The following CDH7 variants were observed in gnomAD, a reference collection of about 807,000 sequenced individuals.
CDH7 encodes cadherin 7.
Under a neutral mutation model 71.8 loss-of-function variants are expected in CDH7, and 25 were observed. The observed-to-expected ratio is 0.35, with a 90% CI of 0.25 to 0.49. CDH7 has a LOEUF of 0.49. Ranked by LOEUF, CDH7 falls within the 20% of genes least tolerant of loss-of-function variation. The pLI, the probability that CDH7 is intolerant of heterozygous loss-of-function variation, is 0.99. For missense variants in CDH7, 862 were observed against 974.6 expected (o/e 0.88, Z 1.54); for synonymous variants, 381 against 363.8 (o/e 1.05, Z -0.54).
intron 2 of CDH7, among the ~76,000 whole-genome samples, chr18:65,788,507 G>A (rs1910592146): frequency 6.6e-6 from 1 of 152,188 alleles, no homozygotes; most frequent in South Asian, 2.1e-4. Context: ...GTAGCTGCAA[G>A]TCATGCTGTG....
chr18:65,784,579 T>C (rs1008567347), intron 2 of CDH7, among the ~76,000 whole-genome samples: 1 of 152,152 alleles, frequency 6.6e-6, no homozygotes, highest in Non-Finnish European at 1.5e-5. Context: ...AAATATACCA[T>C]TAGGAGAAAA....
rs146603340 is a variant in CDH7 at position 65,817,595 on chromosome 18, T to G, written c.625+2991T>G. 4.4e-3 allele frequency among the ~76,000 whole-genome samples: 666 copies of G among 152,294 alleles called. 2 individuals carry two copies. Among genetic ancestry groups the G allele is most frequent in the African/African-American group, 0.015 (630 of 41,568 alleles). ...GAAATAGAAACTCATTAGCAGATTT[T>G]TATCTTAAGTGTAAAACAAAATGAG... On this transcript the variant is annotated intron_variant, in intron 4 of 11. Transcript: ENST00000397968.
At chr18:65,798,135 A>G (rs1407612601) in intron 2 of CDH7, among the ~76,000 whole-genome samples, 1 of 152,126 alleles carries the variant, frequency 6.6e-6, no homozygotes, top group African/African-American at 2.4e-5. Context: ...TCTCTTCTCA[A>G]ATAAAGAACA....
chr18:65,858,477 T>C (rs1265529944), intron 8 of CDH7, among the ~76,000 whole-genome samples: 1 of 152,058 alleles, frequency 6.6e-6, no homozygotes, highest in Non-Finnish European at 1.5e-5. Flanking sequence ...TACAAATGTA[T>C]AGTCATGCAA....
At chr18:65,858,501 C>T (rs984949123) in intron 8 of CDH7, among the ~76,000 whole-genome samples, 1 of 151,862 alleles carries the variant, frequency 6.6e-6, no homozygotes, top group African/African-American at 2.4e-5. Context: ...TGAGCTCTAA[C>T]ATCAAAGAAC....
intron 2 of CDH7, among the ~76,000 whole-genome samples, chr18:65,779,393 G>A (rs1266194421): frequency 8.9e-5 from 10 of 111,774 alleles, no homozygotes; most frequent in Non-Finnish European, 1.6e-4. Context: ...ATGCTGGTGC[G>A]CTGCACCCAC....
intron 11 of CDH7, among the ~76,000 whole-genome samples, chr18:65,878,508 A>G (rs1327736873): frequency 3.9e-5 from 6 of 152,184 alleles, no homozygotes; most frequent in African/African-American, 1.4e-4. Context: ...TGAGAACTAC[A>G]AGGCATTAGA....
At chr18:65,754,356 T>C (rs1228270272) in intron 1 of CDH7, among the ~76,000 whole-genome samples, 1 of 152,016 alleles carries the variant, frequency 6.6e-6, no homozygotes, top group East Asian at 1.9e-4. Flanking sequence ...CAGTAGGAGG[T>C]TGTGGTCTGT....
intron 7 of CDH7, among the ~76,000 whole-genome samples, chr18:65,853,177 AG>A (rs1374741450): frequency 6.6e-6 from 1 of 152,190 alleles, no homozygotes; most frequent in Non-Finnish European, 1.5e-5. Flanking sequence ...CAGAAGCTAG[AG>A]AGATTGTTGT....
intron 2 of CDH7, among the ~76,000 whole-genome samples, chr18:65,763,588 TA>T (rs1916266354): frequency 7.9e-6 from 1 of 126,514 alleles, no homozygotes; most frequent in Non-Finnish European, 1.6e-5. Flanking sequence ...CTTGTTTTGA[TA>T]GGGGGGTGTG....
chr18:65,790,565 G>A (rs912144246), intron 2 of CDH7, among the ~76,000 whole-genome samples: 1 of 152,030 alleles, frequency 6.6e-6, no homozygotes, highest in Non-Finnish European at 1.5e-5. Context: ...AGTCTTTATA[G>A]GAAAATCATT....
chr18:65,795,884 C>T (rs1910894407), intron 2 of CDH7, among the ~76,000 whole-genome samples: 1 of 152,026 alleles, frequency 6.6e-6, no homozygotes, highest in Non-Finnish European at 1.5e-5. Context: ...ATAGTGAGTT[C>T]TCACAAGATC....
At chr18:65,850,276 G>A (rs369974740) in intron 7 of CDH7, among the ~76,000 whole-genome samples, 15 of 149,578 alleles carry the variant, frequency 1.0e-4, no homozygotes, top group Middle Eastern at 7.0e-3. Context: ...TTATTCATGG[G>A]GTTAAAAAGT....
At chr18:65,759,110 G>T (rs1200664074) in intron 1 of CDH7, among the ~76,000 whole-genome samples, 1 of 152,118 alleles carries the variant, frequency 6.6e-6, no homozygotes, top group Admixed American at 6.5e-5. Context: ...GAATGGAAGA[G>T]AAATAATCTT....
intron 2 of CDH7, among the ~76,000 whole-genome samples, chr18:65,789,654 T>C (rs1467440031): frequency 6.6e-6 from 1 of 151,778 alleles, no homozygotes; most frequent in African/African-American, 2.4e-5. Context: ...GACTGAAAAA[T>C]GGTCATGGAT....
chr18:65,859,746 A>G lies in CDH7; in HGVS notation c.1533A>G (p.Pro511=), dbSNP rs754949826. The G allele has an allele frequency of 4.3e-6, 7 of 1,611,508 alleles. No individual in the cohort carries two copies. Among genetic ancestry groups the G allele is most frequent in the Non-Finnish European group, 5.9e-6 (7 of 1,177,852 alleles). The change falls in exon 10 of 12, where the codon CCA becomes CCG. Residue 511 remains proline (P), a synonymous_variant. Coordinates refer to ENST00000397968, the MANE Select transcript of CDH7 (RefSeq NM_004361.5). ...QKISAVDKDE[P]SNGHQFYFSL... is the part of the protein sequence containing the mutation. ...TCAGTGCTGTGGATAAAGATGAGCCATCCAATGGACACCAGTTTTACTTCA... is the reference window on the plus strand; with the variant it reads ...TCAGTGCTGTGGATAAAGATGAGCCGTCCAATGGACACCAGTTTTACTTCA...
chr18:65,753,979 G>A (rs1164813643), intron 1 of CDH7, among the ~76,000 whole-genome samples: 4 of 152,072 alleles, frequency 2.6e-5, no homozygotes, highest in African/African-American at 7.3e-5. Flanking sequence ...TAAATCACAC[G>A]TGGCCCAAGG....
intron 11 of CDH7, among the ~76,000 whole-genome samples, chr18:65,872,015 A>C (rs1470354386): frequency 6.6e-6 from 1 of 152,148 alleles, no homozygotes; most frequent in Non-Finnish European, 1.5e-5. Context: ...ATGGAACTTG[A>C]GGAAGATTTA....
intron 7 of CDH7, among the ~76,000 whole-genome samples, chr18:65,851,950 T>C (rs1336882973): frequency 6.6e-6 from 1 of 152,126 alleles, no homozygotes; most frequent in Non-Finnish European, 1.5e-5. Context: ...TGACTTCTGA[T>C]GTAATTGGAA....
Sources: allele counts gnomAD v4.1 joint callset (sites outside exome capture counted in the v4.1 genomes callset), GRCh38; gene constraint gnomAD v4.1.1; transcripts MANE v1.5; gene names NCBI Gene and HGNC (gene_info 2026-07-23, HGNC 2026-07-21).